Variants in NUCKS1 observed in about 807,000 individuals in gnomAD.
NUCKS1 encodes the protein nuclear ubiquitous casein and cyclin-dependent kinase substrate 1.
In NUCKS1, 2 loss-of-function variants were observed where a neutral mutation model predicts 33.0. The ratio of observed to expected loss-of-function variants is 0.06; its 90% confidence interval spans 0.02 to 0.19. NUCKS1 has a LOEUF of 0.19. Among genes scored for constraint, NUCKS1 ranks in the 10% least tolerant of loss-of-function variants. The pLI is 1.00. For missense variants in NUCKS1, 201 were observed against 293.6 expected (o/e 0.68, Z 2.31); for synonymous variants, 106 against 102.8 (o/e 1.03, Z -0.19).
intron 1 of NUCKS1, among the ~76,000 whole-genome samples, chr1:205,734,995 G>A (rs1414939356): frequency 6.6e-6 from 1 of 152,036 alleles, no homozygotes; most frequent in Non-Finnish European, 1.5e-5. Flanking sequence ...CCACTTAAAG[G>A]CTTGCTTTGT....
Position 205,750,031 on chromosome 1 carries a change from CG to C in NUCKS1, c.-59del. On this transcript the variant is annotated 5_prime_UTR_variant, in exon 1 of 7. Transcript: ENST00000367142. ...CCAAAGACCAGGACCCCCCCCACCC[CG>C]CGCGCTCGGCGCCCCACCCCCCCCG... 3 of 1,116,816 alleles carry C rather than the reference CG, an allele frequency of 2.7e-6. No homozygotes were observed. The highest frequency in any genetic ancestry group is 1.4e-5 in the South Asian group (1 of 72,042). The allele number at this position is 1,116,816 out of a possible 1,614,324, so 69.2% of individuals were successfully genotyped here.
At chr1:205,747,293 G>A (rs2102451865) in intron 1 of NUCKS1, among the ~76,000 whole-genome samples, 1 of 152,284 alleles carries the variant, frequency 6.6e-6, no homozygotes, top group South Asian at 2.1e-4. Flanking sequence ...TTAATAAAGT[G>A]AGTTTGCCTA....
At chr1:205,728,420 G>A (rs1191940683) in intron 2 of NUCKS1, among the ~76,000 whole-genome samples, 1 of 151,942 alleles carries the variant, frequency 6.6e-6, no homozygotes, top group Admixed American at 6.6e-5. Context: ...ATTCCATTAT[G>A]GGATATTATA....
chr1:205,741,353 T>C (rs1216966474), intron 1 of NUCKS1, among the ~76,000 whole-genome samples: 7 of 151,582 alleles, frequency 4.6e-5, no homozygotes, highest in Admixed American at 4.6e-4. Context: ...ACATACAAAT[T>C]TCAATGAGCA....
At chr1:205,730,847 A>G (rs142053741) in intron 1 of NUCKS1, among the ~76,000 whole-genome samples, 11 of 152,338 alleles carry the variant, frequency 7.2e-5, no homozygotes, top group Non-Finnish European at 7.3e-5. Context: ...ATAAAACAGC[A>G]AAATGAGCCA....
rs1571575518 is a variant in NUCKS1, at chr1:205,727,641, C to T, written c.173+59G>A. On this transcript the variant is annotated intron_variant, in intron 3 of 6. Transcript: ENST00000367142. ...ATTCCAACAATTTAGAGATCAGAGA[C>T]TGCTCTCATCTCAGAGTGGTAACAG... The T allele has an allele frequency of 7.3e-6, 8 of 1,091,470 alleles. No individual in the cohort carries two copies. In the East Asian group the frequency reaches 1.9e-4, roughly 26 times the overall value. 67.6% of individuals were successfully genotyped at this position (1,091,470 alleles called of 1,614,324 possible). A position where few individuals can be genotyped will look rare whatever the true frequency, so the allele number is the denominator to read the frequency against.
Position 205,716,663 on chromosome 1 carries a change from G to A in NUCKS1, c.*1617C>T, listed in dbSNP as rs1671826771. ...AGTAAACCACAAAGTAGGATATTGA[G>A]GAAGCAAATCTAGATTAAAAGGCAG... On this transcript the variant is annotated 3_prime_UTR_variant, in exon 7 of 7. Transcript: ENST00000367142. 1.3e-5 allele frequency: 2 copies of A among 152,150 alleles called. No homozygotes were observed. The highest frequency in any genetic ancestry group is 4.1e-4 in the South Asian group (2 of 4,828). The allele number at this position is 152,150 out of a possible 1,614,324, so 9.4% of individuals were successfully genotyped here.
intron 1 of NUCKS1, among the ~76,000 whole-genome samples, chr1:205,736,768 T>A (rs1013596759): frequency 2.6e-5 from 4 of 151,786 alleles, no homozygotes. Flanking sequence ...GGAACGGAGT[T>A]TGCAGTGAGC....
At chr1:205,720,289 C>A (rs892672247) in intron 5 of NUCKS1, among the ~76,000 whole-genome samples, 1 of 152,132 alleles carries the variant, frequency 6.6e-6, no homozygotes, top group Non-Finnish European at 1.5e-5. Context: ...ATAAAGGGTG[C>A]AACCATTACA....
intron 1 of NUCKS1, among the ~76,000 whole-genome samples, chr1:205,731,761 G>A (rs548798648): frequency 4.3e-4 from 65 of 152,068 alleles, no homozygotes; most frequent in African/African-American, 1.4e-3. Flanking sequence ...GTGTGGTGGC[G>A]GGCGCCTGTA....
In NUCKS1 at chr1:205,714,840, T is replaced by C. The variant is rs952103406; in HGVS notation, c.*3440A>G. Reference sequence around the variant, plus strand: ...CCTTTTCAAATTCTTAAGGTGAAAGTTTTTTCCTTTCAGTGCAGCTACCAA... The same window carrying C: ...CCTTTTCAAATTCTTAAGGTGAAAGCTTTTTCCTTTCAGTGCAGCTACCAA... On this transcript the variant is annotated 3_prime_UTR_variant, in exon 7 of 7. Coordinates refer to ENST00000367142, the MANE Select transcript of NUCKS1 (RefSeq NM_022731.5). The C allele has an allele frequency of 3.3e-5, 5 of 152,102 alleles. No individual in the cohort carries two copies. The highest frequency in any genetic ancestry group is 4.1e-4 in the South Asian group (2 of 4,826). The allele number at this position is 152,102 out of a possible 1,614,324, so 9.4% of individuals were successfully genotyped here. A position where few individuals can be genotyped will look rare whatever the true frequency, so the allele number is the denominator to read the frequency against.
chr1:205,724,880 T>C (rs933933107), intron 3 of NUCKS1, among the ~76,000 whole-genome samples: 3 of 152,018 alleles, frequency 2.0e-5, no homozygotes, highest in Non-Finnish European at 4.4e-5. Context: ...ATGAAGAAAA[T>C]AAAATGAGCT....
chr1:205,724,327 T>C (rs1418961283), intron 3 of NUCKS1, among the ~76,000 whole-genome samples: 3 of 152,144 alleles, frequency 2.0e-5, no homozygotes, highest in Non-Finnish European at 4.4e-5. Context: ...ATACTAAAAA[T>C]ACATAGTGTT....
At chr1:205,741,193 G>A (rs1654162157) in intron 1 of NUCKS1, among the ~76,000 whole-genome samples, 1 of 128,654 alleles carries the variant, frequency 7.8e-6, no homozygotes, top group Admixed American at 7.6e-5. Flanking sequence ...CCAGCTACTC[G>A]GGAGGCTGAG....
chr1:205,716,620 C>CA lies in NUCKS1; in HGVS notation c.*1659dup, dbSNP rs1223618060. On this transcript the variant is annotated 3_prime_UTR_variant, in exon 7 of 7. Transcript: ENST00000367142. ...CACTGTGTGTTTTTTAAAAAAAGATCAGAGTAAGCATGTTCCTAGTAAACC... is the reference window on the plus strand; with the variant it reads ...CACTGTGTGTTTTTTAAAAAAAGATCAAGAGTAAGCATGTTCCTAGTAAACC... 1 of 152,044 alleles carries CA rather than the reference C, an allele frequency of 6.6e-6. No homozygotes were observed. Among genetic ancestry groups the CA allele is most frequent in the African/African-American group, 2.4e-5 (1 of 41,422 alleles). 9.4% of individuals were successfully genotyped at this position (152,044 alleles called of 1,614,324 possible).
At chr1:205,746,459 A>T (rs867347099) in intron 1 of NUCKS1, among the ~76,000 whole-genome samples, 109 of 130,090 alleles carry the variant, frequency 8.4e-4, no homozygotes, top group African/African-American at 2.7e-3. Flanking sequence ...TCTCTCACAC[A>T]CACACACACA....
At chr1:205,739,463 C>A (rs1038057596) in intron 1 of NUCKS1, among the ~76,000 whole-genome samples, 2 of 152,132 alleles carry the variant, frequency 1.3e-5, no homozygotes, top group Non-Finnish European at 2.9e-5. Flanking sequence ...TGCCTGAACA[C>A]AACTCAAATT....
chr1:205,732,599 G>A (rs1653941411), intron 1 of NUCKS1, among the ~76,000 whole-genome samples: 1 of 152,018 alleles, frequency 6.6e-6, no homozygotes, highest in Admixed American at 6.6e-5. Flanking sequence ...TGGCCAACAT[G>A]GTGAAAACCC....
intron 1 of NUCKS1, among the ~76,000 whole-genome samples, chr1:205,736,266 TTC>T: frequency 6.6e-6 from 1 of 152,294 alleles, no homozygotes; most frequent in South Asian, 2.1e-4. Context: ...CTATTTTTAT[TTC>T]TGACTTTATG....
Sources: gnomAD v4.1 joint callset for allele counts (sites outside exome capture counted in the v4.1 genomes callset) on GRCh38, gnomAD v4.1.1 for gene constraint, MANE v1.5 for transcripts, NCBI Gene and HGNC (gene_info 2026-07-23, HGNC 2026-07-21) for gene names.